SPTBN1: variants seen among roughly 807,000 people sequenced by gnomAD.
SPTBN1 encodes spectrin beta chain, non-erythrocytic 1.
SPTBN1 carries 32 observed loss-of-function variants against 266.4 expected under a neutral mutation model. That is an observed-to-expected ratio of 0.12 (90% CI 0.09 to 0.16). SPTBN1 has a LOEUF of 0.16. Among genes scored for constraint, SPTBN1 ranks in the 10% least tolerant of loss-of-function variants. SPTBN1 has a pLI of 1.00. For synonymous variants in SPTBN1, 1,336 were observed against 1,162.2 expected, an observed-to-expected ratio of 1.15 and a Z score of -3.04; for missense variants, 2,296 against 3,067.1, an observed-to-expected ratio of 0.75 and a Z score of 5.94.
At chr2:54,515,803 A>G (rs917782091) in intron 1 of SPTBN1, 1 of 152,252 alleles carries the variant, frequency 6.6e-6, no homozygotes, top group Non-Finnish European at 1.5e-5. Context: ...CTGGGATTAC[A>G]GATGTGAGCC....
rs76067739 is a variant in SPTBN1 at position 54,612,776 on chromosome 2, G to A, written c.474+442G>A. Among the ~76,000 whole-genome samples, 215 of 151,742 alleles carry A rather than the reference G, an allele frequency of 1.4e-3. 1 individual carries two copies. Among genetic ancestry groups the A allele is most frequent in the Non-Finnish European group, 2.7e-3 (186 of 68,018 alleles). On this transcript the variant is annotated intron_variant, in intron 4 of 35. Transcript: ENST00000356805. ...GAACATTTTTTGGCAAAGCTGTTGAGGGTTATGGCATGTGTGTGGGCTCCA... is the reference window on the plus strand; with the variant it reads ...GAACATTTTTTGGCAAAGCTGTTGAAGGTTATGGCATGTGTGTGGGCTCCA...
chr2:54,571,606 TATAA>T (rs1674092413), intron 2 of SPTBN1, among the ~76,000 whole-genome samples: 1 of 148,106 alleles, frequency 6.8e-6, no homozygotes, highest in Non-Finnish European at 1.5e-5. Context: ...CACACATATC[TATAA>T]ATAAAGGGCT....
At chr2:54,662,305 T>G (rs1681101378) in intron 32 of SPTBN1, 2 of 985,322 alleles carry the variant, frequency 2.0e-6, no homozygotes, top group African/African-American at 1.7e-5. Context: ...TTTTGTTCCT[T>G]TTATTTTCCT....
At chr2:54,586,178 C>A (rs1675277582) in intron 2 of SPTBN1, among the ~76,000 whole-genome samples, 1 of 152,190 alleles carries the variant, frequency 6.6e-6, no homozygotes, top group Admixed American at 6.5e-5. Flanking sequence ...CCCAAACACA[C>A]ATTGGTAGTC....
chr2:54,604,764 G>C (rs1414706076), intron 3 of SPTBN1, among the ~76,000 whole-genome samples: 1 of 152,130 alleles, frequency 6.6e-6, no homozygotes, highest in Middle Eastern at 3.2e-3. Flanking sequence ...TTGGGAGGGG[G>C]AAACAGAAAA....
At chr2:54,462,748 C>T (rs1421921437) in intron 1 of SPTBN1, among the ~76,000 whole-genome samples, 1 of 152,232 alleles carries the variant, frequency 6.6e-6, no homozygotes. Context: ...ACCTTTAACC[C>T]TCCGGTCTCA....
At chr2:54,543,683 A>G (rs879699702) in intron 2 of SPTBN1, among the ~76,000 whole-genome samples, 6 of 152,332 alleles carry the variant, frequency 3.9e-5, no homozygotes, top group Non-Finnish European at 8.8e-5. Context: ...CTCAATGCAC[A>G]TTAAAATGAT....
chr2:54,549,181 C>T (rs565471118), intron 2 of SPTBN1, among the ~76,000 whole-genome samples: 2 of 150,762 alleles, frequency 1.3e-5, no homozygotes, highest in South Asian at 2.1e-4. Flanking sequence ...CCCAGCTACT[C>T]GGAAAGCTGA....
At chr2:54,568,097 G>C (rs1447008458) in intron 2 of SPTBN1, among the ~76,000 whole-genome samples, 1 of 152,136 alleles carries the variant, frequency 6.6e-6, no homozygotes, top group Non-Finnish European at 1.5e-5. Flanking sequence ...AAGAAGCACT[G>C]CTGGCAGTGC....
chr2:54,664,280 CCTT>C lies in SPTBN1; in HGVS notation c.6421-170_6421-168del, dbSNP rs1446933707. The C allele has an allele frequency of 6.3e-5, 42 of 667,712 alleles. No homozygotes were observed. The highest frequency in any genetic ancestry group is 4.2e-4 in the Middle Eastern group (1 of 2,398). 41.4% of individuals were successfully genotyped at this position (667,712 alleles called of 1,614,324 possible). On this transcript the variant is annotated intron_variant, in intron 32 of 35. Coordinates refer to ENST00000356805, the MANE Select transcript of SPTBN1 (RefSeq NM_003128.3). This position sits in a 1 kb window ranked among gnomAD's most constrained non-coding sequence, Gnocchi z 5.6. ...ATGGGCGGGTATTAATCCATTCCCA[CCTT>C]CTAATGTCCTTGATGTCCAGCTGGC...
intron 2 of SPTBN1, among the ~76,000 whole-genome samples, chr2:54,531,261 G>C (rs1671219395): frequency 6.6e-6 from 1 of 152,218 alleles, no homozygotes; most frequent in Non-Finnish European, 1.5e-5. Context: ...GGGCAGTCTT[G>C]TGGGACCAAG....
Position 54,533,918 on chromosome 2 carries a change from ACACACACACG to A in SPTBN1, c.148+7356_148+7365del, listed in dbSNP as rs1250371443. Among the ~76,000 whole-genome samples, 3 of 141,080 alleles carry A rather than the reference ACACACACACG, an allele frequency of 2.1e-5. No homozygotes were observed. Among genetic ancestry groups the A allele is most frequent in the African/African-American group, 5.0e-5 (2 of 40,012 alleles). 92.6% of individuals were successfully genotyped at this position (141,080 alleles called of 152,430 possible). A position where few individuals can be genotyped will look rare whatever the true frequency, so the allele number is the denominator to read the frequency against. On this transcript the variant is annotated intron_variant, in intron 2 of 35. Coordinates refer to ENST00000356805, the MANE Select transcript of SPTBN1 (RefSeq NM_003128.3). The surrounding 1 kb of genome is among the most constrained non-coding windows in gnomAD (Gnocchi z 4.2). The stretch of plus-strand genomic sequence containing the variant: ...CTCTCTCTCACACACACACACACAC[ACACACACACG>A]CACGCACGCACACAAACACACACAC...
rs142646840 is a variant in SPTBN1 at position 54,555,587 on chromosome 2, T to G, written c.148+29021T>G. On this transcript the variant is annotated intron_variant, in intron 2 of 35. Transcript: ENST00000356805. Reference sequence around the variant, plus strand: ...CATTTCCTCTCCTTTCTGCCCATTCTTACATACCACTTCCAGATTAATCAT... The same window carrying G: ...CATTTCCTCTCCTTTCTGCCCATTCGTACATACCACTTCCAGATTAATCAT... Among the ~76,000 whole-genome samples, 1,326 of 152,304 alleles carry G rather than the reference T, an allele frequency of 8.7e-3. 13 individuals carry two copies. The highest frequency in any genetic ancestry group is 9.6e-3 in the Non-Finnish European group (651 of 68,030).
At chr2:54,504,727 A>G (rs1411265158) in intron 1 of SPTBN1, among the ~76,000 whole-genome samples, 2 of 152,140 alleles carry the variant, frequency 1.3e-5, no homozygotes, top group Non-Finnish European at 1.5e-5. Flanking sequence ...GCCCATGGGT[A>G]GTGAGGGATG....
At chr2:54,487,155 T>TC (rs1488182902) in intron 1 of SPTBN1, among the ~76,000 whole-genome samples, 1 of 150,790 alleles carries the variant, frequency 6.6e-6, no homozygotes, top group Non-Finnish European at 1.5e-5. Flanking sequence ...TTTTCTGATT[T>TC]CCTCATTAGG....
At chr2:54,642,257 C>T (rs1312103779) in intron 18 of SPTBN1, among the ~76,000 whole-genome samples, 2 of 152,340 alleles carry the variant, frequency 1.3e-5, no homozygotes, top group East Asian at 3.9e-4. Context: ...TCAGGTCTGT[C>T]AGCGGCCAGC....
chr2:54,613,118 G>A (rs1183119993), intron 4 of SPTBN1, among the ~76,000 whole-genome samples: 1 of 152,148 alleles, frequency 6.6e-6, no homozygotes, highest in African/African-American at 2.4e-5. Flanking sequence ...GCACCACCAC[G>A]AGCCTGATTA....
At chr2:54,559,245 G>A (rs1192916404) in intron 2 of SPTBN1, among the ~76,000 whole-genome samples, 1 of 152,158 alleles carries the variant, frequency 6.6e-6, no homozygotes, top group Non-Finnish European at 1.5e-5. Flanking sequence ...CCAGCCCCCA[G>A]CCTCTTACCT....
intron 1 of SPTBN1, among the ~76,000 whole-genome samples, chr2:54,512,043 T>A (rs1460151038): frequency 6.6e-6 from 1 of 152,154 alleles, no homozygotes; most frequent in Non-Finnish European, 1.5e-5. Context: ...CCCTGTCATG[T>A]GCAGTTCACA....
Sources: allele counts gnomAD v4.1 joint callset (sites outside exome capture counted in the v4.1 genomes callset), GRCh38; gene constraint gnomAD v4.1.1; non-coding constraint Gnocchi (gnomAD v3.1); transcripts MANE v1.5; gene names NCBI Gene and HGNC (gene_info 2026-07-23, HGNC 2026-07-21).